RARS1: variants seen among roughly 807,000 people sequenced by gnomAD.
The protein encoded by RARS1 is arginine--tRNA ligase, cytoplasmic.
In RARS1, 75 loss-of-function variants were observed where a neutral mutation model predicts 78.7. That is an observed-to-expected ratio of 0.95 (90% CI 0.79 to 1.15). RARS1 has a LOEUF of 1.15. Ranked by LOEUF, RARS1 falls within the 50% of genes most tolerant of loss-of-function variation. The probability of loss-of-function intolerance (pLI) is 0.00; values close to 1 mark genes in which losing one functional copy is unlikely to be tolerated. For missense variants in RARS1, 787 were observed against 787.5 expected (o/e 1.00, Z 0.01); for synonymous variants, 273 against 268.2 (o/e 1.02, Z -0.18).
intron 11 of RARS1, among the ~76,000 whole-genome samples, chr5:168,508,163 T>G (rs917313644): frequency 2.6e-5 from 4 of 152,216 alleles, no homozygotes; most frequent in African/African-American, 9.6e-5. Flanking sequence ...TTTGGACATT[T>G]AGATGATATT....
chr5:168,501,735 T>G (rs1227703826), intron 8 of RARS1, among the ~76,000 whole-genome samples: 1 of 152,000 alleles, frequency 6.6e-6, no homozygotes, highest in South Asian at 2.1e-4. Context: ...AAAATAATAA[T>G]AAAAAGAAAG....
Position 168,493,965 on chromosome 5 carries a change from C to A in RARS1, c.441C>A (p.Asp147Glu). The A allele has an allele frequency of 6.2e-7, 1 of 1,612,840 alleles. No homozygotes were observed. Among genetic ancestry groups the A allele is most frequent in the South Asian group, 1.1e-5 (1 of 91,022 alleles). The change falls in exon 4 of 15, where the codon GAC becomes GAA. Residue 147 changes from aspartate (D) to glutamate (E), a missense_variant. Transcript: ENST00000231572. ...AAAACATTACCAAACACCTCCCAGA[C>A]AATGAATGTATTGAAAAAGTTGAAA... is the stretch of plus-strand genomic sequence containing the variant. ...IAENITKHLP[D>E]NECIEKVEIA... is the part of the protein sequence containing the mutation.
Position 168,492,724 on chromosome 5 carries a change from G to A in RARS1, c.246G>A (p.Glu82=). The A allele has an allele frequency of 6.2e-7, 1 of 1,612,856 alleles. No homozygotes were observed. The highest frequency in any genetic ancestry group is 8.5e-7 in the Non-Finnish European group (1 of 1,178,860). The change falls in exon 3 of 15, where the codon GAG becomes GAA. Residue 82 remains glutamate, a synonymous_variant. Transcript: ENST00000231572. ...NMINIISRLQ[E]VFGHAIKAAY... Reference sequence around the variant, plus strand: ...TTAACATTATTAGCCGCCTACAAGAGGTCTTTGGTCATGCAATTAAGGCTG... The same window carrying A: ...TTAACATTATTAGCCGCCTACAAGAAGTCTTTGGTCATGCAATTAAGGCTG...
At chr5:168,488,158 C>T (rs758226020) in intron 1 of RARS1, 7 of 373,836 alleles carry the variant, frequency 1.9e-5, no homozygotes, top group South Asian at 4.0e-5. Flanking sequence ...AACAGAGTCT[C>T]GCTCTGTCAA....
intron 9 of RARS1, 52 bp from the exon 10 acceptor site, chr5:168,505,969 T>C: frequency 7.1e-7 from 1 of 1,417,374 alleles, no homozygotes; most frequent in Non-Finnish European, 9.7e-7. Flanking sequence ...AAGCATTCAT[T>C]TTCCTTCAGG....
intron 2 of RARS1, among the ~76,000 whole-genome samples, chr5:168,491,593 C>G (rs1311837807): frequency 6.6e-6 from 1 of 152,120 alleles, no homozygotes; most frequent in African/African-American, 2.4e-5. Context: ...CTTGGACTGT[C>G]CATTCCAATA....
At chr5:168,512,373 C>T (rs1758580245) in intron 12 of RARS1, among the ~76,000 whole-genome samples, 1 of 152,062 alleles carries the variant, frequency 6.6e-6, no homozygotes, top group African/African-American at 2.4e-5. Flanking sequence ...GTAGGGCTGA[C>T]TTACGCTTAA....
chr5:168,488,742 T>C lies in RARS1; in HGVS notation c.180+6T>C. ...GACTGAATATTCTTCGAAAGGTGAGTACTTTGGGTTCCAGTTTTATTCTCC... is the reference window on the plus strand; with the variant it reads ...GACTGAATATTCTTCGAAAGGTGAGCACTTTGGGTTCCAGTTTTATTCTCC... On this transcript the variant is annotated splice_donor_region_variant and intron_variant, in intron 2 of 14. Transcript: ENST00000231572. 1 of 1,587,316 alleles carries C rather than the reference T, an allele frequency of 6.3e-7. No individual in the cohort carries two copies. Among genetic ancestry groups the C allele is most frequent in the Non-Finnish European group, 8.5e-7 (1 of 1,171,112 alleles).
Position 168,497,302 on chromosome 5 carries a change from A to G in RARS1, c.776A>G (p.Tyr259Cys), listed in dbSNP as rs151300636. ...CACCTGCAAGACAAATTTCCAGATT[A>G]TCTAACAGTTTCACCTCCTATTGGG... is the stretch of plus-strand genomic sequence containing the variant. ...IAHLQDKFPD[Y>C]LTVSPPIGDL... Residue 259 changes from tyrosine (Y) to cysteine (C), a missense_variant, in exon 7 of 15, where the codon TAT becomes TGT. Tyr to Cys is a radical substitution (Grantham distance 194, BLOSUM62 -2). Coordinates refer to ENST00000231572, the MANE Select transcript of RARS1 (RefSeq NM_002887.4). 359 of 1,592,662 alleles carry G rather than the reference A, an allele frequency of 2.3e-4. No individual in the cohort carries two copies. The highest frequency in any genetic ancestry group is 3.1e-4 in the Admixed American group (18 of 57,534).
At chr5:168,495,483 T>A (rs1224264139) in intron 6 of RARS1, 47 bp downstream of exon 6, 1 of 1,579,556 alleles carries the variant, frequency 6.3e-7, no homozygotes, top group Non-Finnish European at 8.6e-7. Flanking sequence ...TATTTTCTTG[T>A]TTGGAAAATT....
chr5:168,493,055 A>G (rs1218209336), intron 3 of RARS1: 1 of 474,512 alleles, frequency 2.1e-6, no homozygotes, highest in Non-Finnish European at 3.8e-6. Flanking sequence ...TTTTATATGT[A>G]TTCTCAATAT....
chr5:168,496,868 A>C (rs373604137), intron 6 of RARS1: 72 of 167,152 alleles, frequency 4.3e-4, no homozygotes, highest in Non-Finnish European at 7.4e-4. Context: ...TAAAATGTTA[A>C]ATTTTCATAA....
intron 12 of RARS1, among the ~76,000 whole-genome samples, chr5:168,511,201 T>C (rs2152905961): frequency 6.6e-6 from 1 of 152,042 alleles, no homozygotes; most frequent in East Asian, 1.9e-4. Flanking sequence ...AAAAATTTTT[T>C]TTTTTTTTTT....
Position 168,492,650 on chromosome 5 carries a change from T to C in RARS1, c.181-9T>C, listed in dbSNP as rs1223307400. ...ACATTATTGACATGTTTCCATTCTTTTCCTACAGAGTCTTCAGGCAGAAAG... is the reference window on the plus strand; with the variant it reads ...ACATTATTGACATGTTTCCATTCTTCTCCTACAGAGTCTTCAGGCAGAAAG... On this transcript the variant is annotated splice_polypyrimidine_tract_variant and intron_variant, in intron 2 of 14. Coordinates refer to ENST00000231572, the MANE Select transcript of RARS1 (RefSeq NM_002887.4). 1 of 1,569,522 alleles carries C rather than the reference T, an allele frequency of 6.4e-7. No homozygotes were observed. Among genetic ancestry groups the C allele is most frequent in the South Asian group, 1.1e-5 (1 of 89,062 alleles).
intron 1 of RARS1, among the ~76,000 whole-genome samples, chr5:168,487,918 G>T (rs1317820827): frequency 6.8e-6 from 1 of 147,600 alleles, no homozygotes; most frequent in Non-Finnish European, 1.5e-5. Context: ...TGTGACAAAG[G>T]ACATTTGGGT....
intron 13 of RARS1, 44 bp downstream of exon 13, chr5:168,516,994 C>T (rs765230982): frequency 6.5e-7 from 1 of 1,535,126 alleles, no homozygotes; most frequent in African/African-American, 1.4e-5. Context: ...CAAATGAAAG[C>T]ATATTTAGTT....
intron 14 of RARS1, among the ~76,000 whole-genome samples, 186 bp downstream of exon 14, chr5:168,518,248 G>A (rs922941049): frequency 6.6e-6 from 1 of 151,424 alleles, no homozygotes; most frequent in Admixed American, 6.6e-5. Context: ...ACTGCACCCA[G>A]CTCCAAGTGT....
chr5:168,515,593 G>A (rs12520552), intron 12 of RARS1, among the ~76,000 whole-genome samples: 29,970 of 152,214 alleles, frequency 0.2, 3,293 homozygotes, highest in Admixed American at 0.3. Flanking sequence ...TAGCCCACAG[G>A]TAGCATACCA....
At chr5:168,495,498 A>G (rs1758168118) in intron 6 of RARS1, 62 bp downstream of exon 6, 1 of 1,554,414 alleles carries the variant, frequency 6.4e-7, no homozygotes, top group Non-Finnish European at 8.8e-7. Flanking sequence ...AAAATTCTAT[A>G]GAACATGGAA....
Sources: allele counts gnomAD v4.1 joint callset (sites outside exome capture counted in the v4.1 genomes callset), GRCh38; gene constraint gnomAD v4.1.1; transcripts MANE v1.5; gene names NCBI Gene and HGNC (gene_info 2026-07-23, HGNC 2026-07-21).